BBS9: variants seen among roughly 807,000 people sequenced by gnomAD.
BBS9 encodes the protein protein PTHB1.
BBS9 carries 89 observed loss-of-function variants against 117.7 expected under a neutral mutation model. The observed-to-expected ratio is 0.76, with a 90% CI of 0.64 to 0.90. The LOEUF is 0.90. BBS9 is among the 40% of genes least tolerant of loss of function. The pLI, the probability that BBS9 is intolerant of heterozygous loss-of-function variation, is 0.00. For synonymous variants in BBS9, 379 were observed against 370.9 expected (o/e 1.02, Z -0.25); for missense variants, 982 against 1,042.2 (o/e 0.94, Z 0.80).
At chr7:33,489,151 C>T (rs1017513341) in intron 19 of BBS9, among the ~76,000 whole-genome samples, 3 of 151,746 alleles carry the variant, frequency 2.0e-5, no homozygotes, top group Non-Finnish European at 4.4e-5. Flanking sequence ...CACCACCACG[C>T]CTGGCTAACT....
intron 16 of BBS9, among the ~76,000 whole-genome samples, chr7:33,361,993 T>C (rs572962839): frequency 1.1e-4 from 16 of 152,282 alleles, no homozygotes; most frequent in Non-Finnish European, 1.8e-4. Flanking sequence ...AACGGTTAAG[T>C]TGCTGAACAT....
intron 5 of BBS9, among the ~76,000 whole-genome samples, chr7:33,210,687 G>A (rs915939377): frequency 7.2e-5 from 11 of 152,140 alleles, no homozygotes; most frequent in African/African-American, 2.4e-4. Flanking sequence ...ACAGGTGTGC[G>A]CCACCATGCC....
rs139834282 is a variant in BBS9 at position 33,226,255 on chromosome 7, C to G, written c.443-30981C>G. Among the ~76,000 whole-genome samples the G allele has an allele frequency of 4.9e-3, 752 of 152,062 alleles. 4 individuals carry two copies. Among genetic ancestry groups the G allele is most frequent in the African/African-American group, 0.017 (708 of 41,494 alleles). On this transcript the variant is annotated intron_variant, in intron 5 of 22. Transcript: ENST00000242067. ...TTTTTTTTTTCCAGGAGAATTTTGT[C>G]TATTAACATTGGAGATGATTTTTAA...
At chr7:33,232,334 TAAG>T (rs1429484396) in intron 5 of BBS9, among the ~76,000 whole-genome samples, 2 of 152,104 alleles carry the variant, frequency 1.3e-5, no homozygotes, top group African/African-American at 4.8e-5. Flanking sequence ...AGAAACTTAT[TAAG>T]AAGAAAATTA....
At position 33,343,466 on chromosome 7, in the gene BBS9, GT is replaced by G. The variant is rs554772299; in HGVS notation, c.1276-1112del. Among the ~76,000 whole-genome samples, 41 of 152,146 alleles carry G rather than the reference GT, an allele frequency of 2.7e-4. No homozygotes were observed. The South Asian group carries it at 8.3e-3, about 31-fold the overall frequency. Reference sequence around the variant, plus strand: ...TATGATATGCACTGGTTAAAAAAAAGTTTCCCTTCCCTTCCTTCCATTCCCC... The same window carrying G: ...TATGATATGCACTGGTTAAAAAAAAGTTCCCTTCCCTTCCTTCCATTCCCC... On this transcript the variant is annotated intron_variant, in intron 11 of 22. Transcript: ENST00000242067.
intron 5 of BBS9, among the ~76,000 whole-genome samples, chr7:33,234,657 ATATATC>A (rs1412745831): frequency 1.3e-5 from 2 of 151,888 alleles, no homozygotes; most frequent in African/African-American, 4.8e-5. Context: ...ATATCTATCT[ATATATC>A]TATATCTTTT....
rs1231531572 is a variant in BBS9 at position 33,565,803 on chromosome 7, A to G, written c.2521+31627A>G. Among the ~76,000 whole-genome samples, 128 of 56,382 alleles carry G rather than the reference A, an allele frequency of 2.3e-3. 1 individual carries two copies. The highest frequency in any genetic ancestry group is 0.015 in the African/African-American group (116 of 7,898). 37.0% of individuals were successfully genotyped at this position (56,382 alleles called of 152,430 possible). On this transcript the variant is annotated intron_variant, in intron 21 of 22. Transcript: ENST00000242067. ...GTAGTATATATATATATATATATAT[A>G]TATATATATATATATATATATATAC...
At chr7:33,271,321 A>C (rs984203815) in intron 7 of BBS9, among the ~76,000 whole-genome samples, 2 of 152,230 alleles carry the variant, frequency 1.3e-5, no homozygotes, top group African/African-American at 4.8e-5. Flanking sequence ...AAGTCTGCGT[A>C]ATAACCAGCT....
At chr7:33,431,146 G>A (rs1437673579) in intron 19 of BBS9, among the ~76,000 whole-genome samples, 1 of 150,736 alleles carries the variant, frequency 6.6e-6, no homozygotes, top group African/African-American at 2.4e-5. Flanking sequence ...GTTGAGCCAA[G>A]ATCATGCCAC....
intron 3 of BBS9, among the ~76,000 whole-genome samples, chr7:33,154,622 T>G (rs1793837270): frequency 1.3e-5 from 2 of 152,026 alleles, no homozygotes; most frequent in African/African-American, 4.8e-5. Flanking sequence ...CGTGCCACCA[T>G]GCCTGGCTAA....
At chr7:33,304,479 TGAG>T (rs1427625119) in intron 9 of BBS9, among the ~76,000 whole-genome samples, 2 of 150,468 alleles carry the variant, frequency 1.3e-5, no homozygotes, top group African/African-American at 4.9e-5. Flanking sequence ...ATCTGGGAAA[TGAG>T]GAGCGCCTCT....
chr7:33,622,880 A>G (rs1365371260), intron 21 of BBS9, among the ~76,000 whole-genome samples: 2 of 152,242 alleles, frequency 1.3e-5, no homozygotes, highest in African/African-American at 4.8e-5. Context: ...GAGAAAAATG[A>G]AATTAGACTC....
chr7:33,596,310 G>A (rs1862778409), intron 21 of BBS9, among the ~76,000 whole-genome samples: 1 of 144,670 alleles, frequency 6.9e-6, no homozygotes, highest in South Asian at 2.2e-4. Flanking sequence ...TTATATATGT[G>A]TGTGTGACTA....
At chr7:33,618,008 C>A (rs1865225731) in intron 21 of BBS9, among the ~76,000 whole-genome samples, 1 of 152,198 alleles carries the variant, frequency 6.6e-6, no homozygotes, top group East Asian at 1.9e-4. Flanking sequence ...CTAGATCTAC[C>A]TTACAAGAAA....
chr7:33,205,265 T>C (rs2128217834), intron 5 of BBS9, among the ~76,000 whole-genome samples: 1 of 152,330 alleles, frequency 6.6e-6, no homozygotes, highest in South Asian at 2.1e-4. Context: ...CTGGGAACCA[T>C]ATTCTCCAGT....
intron 4 of BBS9, among the ~76,000 whole-genome samples, chr7:33,165,198 G>A (rs533137689): frequency 2.6e-5 from 4 of 152,258 alleles, no homozygotes; most frequent in South Asian, 2.1e-4. Context: ...CGAGAGATCC[G>A]CTGTTAGTCT....
intron 21 of BBS9, among the ~76,000 whole-genome samples, chr7:33,549,983 T>C (rs1472236815): frequency 6.6e-6 from 1 of 152,184 alleles, no homozygotes; most frequent in East Asian, 1.9e-4. Context: ...GATGAAAAAG[T>C]TGATATTTAT....
intron 21 of BBS9, among the ~76,000 whole-genome samples, chr7:33,574,128 T>C (rs1282783346): frequency 1.3e-5 from 2 of 152,186 alleles, no homozygotes; most frequent in African/African-American, 4.8e-5. Context: ...AACACATGCT[T>C]GTTCCACCTA....
At position 33,256,173 on chromosome 7, in the gene BBS9, AC is replaced by A. The variant is rs552582769; in HGVS notation, c.443-1062del. Among the ~76,000 whole-genome samples the A allele has an allele frequency of 3.0e-4, 46 of 151,920 alleles. 1 individual carries two copies. In the South Asian group the frequency reaches 8.3e-3, roughly 28 times the overall value. ...TCTCAAATAAAAACAAACAAAAAAA[AC>A]AAACAAAAAAAACCAAAACAACAAA... On this transcript the variant is annotated intron_variant, in intron 5 of 22. Coordinates refer to ENST00000242067, the MANE Select transcript of BBS9 (RefSeq NM_198428.3).
Sources: gnomAD v4.1 joint callset for allele counts (sites outside exome capture counted in the v4.1 genomes callset) on GRCh38, gnomAD v4.1.1 for gene constraint, MANE v1.5 for transcripts, NCBI Gene and HGNC (gene_info 2026-07-23, HGNC 2026-07-21) for gene names.